Variants in FAT3 observed in about 807,000 individuals in gnomAD.
The protein encoded by FAT3 is protocadherin Fat 3.
A neutral mutation model predicts 310.2 loss-of-function variants in FAT3; 95 were observed. The ratio of observed to expected loss-of-function variants is 0.31; its 90% confidence interval spans 0.26 to 0.36. FAT3 has a LOEUF of 0.36. FAT3 is among the 10% of genes least tolerant of loss of function. FAT3 has a pLI of 1.00. For missense variants in FAT3, 5,408 were observed against 5,715.6 expected (o/e 0.95, Z 1.74); for synonymous variants, 2,314 against 2,192.9 (o/e 1.06, Z -1.54).
At chr11:92,474,920 C>T (rs1197441082) in intron 2 of FAT3, among the ~76,000 whole-genome samples, 1 of 152,192 alleles carries the variant, frequency 6.6e-6, no homozygotes, top group Non-Finnish European at 1.5e-5. Flanking sequence ...GTATTCATGG[C>T]TTGTTCTATT....
chr11:92,288,199 T>C (rs1731500732), intron 1 of FAT3, among the ~76,000 whole-genome samples: 1 of 152,132 alleles, frequency 6.6e-6, no homozygotes, highest in South Asian at 2.1e-4. Flanking sequence ...GAGGACATTA[T>C]GCAAAGTAAA....
At chr11:92,235,671 C>T (rs1049471718) in intron 1 of FAT3, among the ~76,000 whole-genome samples, 6 of 152,164 alleles carry the variant, frequency 3.9e-5, no homozygotes, top group East Asian at 1.9e-4. Context: ...ATTAAGACTG[C>T]GTTATGATTC....
chr11:92,770,871 C>T (rs1051632609), intron 6 of FAT3, among the ~76,000 whole-genome samples: 14 of 152,098 alleles, frequency 9.2e-5, no homozygotes, highest in African/African-American at 2.9e-4. Context: ...CATTTATGTC[C>T]CATCTTTAAA....
At chr11:92,454,983 G>A (rs1001880843) in intron 2 of FAT3, among the ~76,000 whole-genome samples, 6 of 152,028 alleles carry the variant, frequency 3.9e-5, no homozygotes, top group Non-Finnish European at 7.4e-5. Flanking sequence ...ACAGTTGTTG[G>A]CTATATTCAA....
intron 4 of FAT3, among the ~76,000 whole-genome samples, chr11:92,746,654 G>A (rs922413847): frequency 8.5e-5 from 13 of 152,074 alleles, no homozygotes; most frequent in African/African-American, 2.9e-4. Flanking sequence ...CTGAGACAAG[G>A]CAAGTCCCTT....
chr11:92,546,343 AGT>A (rs1209574196), intron 3 of FAT3, among the ~76,000 whole-genome samples: 1 of 152,228 alleles, frequency 6.6e-6, no homozygotes, highest in African/African-American at 2.4e-5. Context: ...TAAGGAAAAC[AGT>A]GTTTCATTTC....
chr11:92,560,360 G>T (rs499284), intron 3 of FAT3, among the ~76,000 whole-genome samples: 23,041 of 152,042 alleles, frequency 0.15, 1,941 homozygotes, highest in East Asian at 0.29. Context: ...TCAGATATAT[G>T]ATTTACAAAT....
At chr11:92,839,259 A>G (rs1289301524) in intron 17 of FAT3, among the ~76,000 whole-genome samples, 1 of 152,198 alleles carries the variant, frequency 6.6e-6, no homozygotes, top group African/African-American at 2.4e-5. Flanking sequence ...AGGCATGTCT[A>G]TGTTACCTTA....
chr11:92,885,774 T>C (rs1294843579), intron 24 of FAT3, among the ~76,000 whole-genome samples: 1 of 152,228 alleles, frequency 6.6e-6, no homozygotes, highest in African/African-American at 2.4e-5. Flanking sequence ...ATTTCCTTCC[T>C]TGTGTTCAGG....
chr11:92,455,354 T>C (rs1392269220), intron 2 of FAT3, among the ~76,000 whole-genome samples: 1 of 152,202 alleles, frequency 6.6e-6, no homozygotes, highest in Non-Finnish European at 1.5e-5. Flanking sequence ...GACAAGCTCC[T>C]GCTGCAGTCA....
intron 13 of FAT3, among the ~76,000 whole-genome samples, chr11:92,820,327 CTG>C (rs1308268562): frequency 6.6e-6 from 1 of 152,130 alleles, no homozygotes; most frequent in Non-Finnish European, 1.5e-5. Flanking sequence ...GTAGAGAGAT[CTG>C]TCTTTCTTCT....
intron 2 of FAT3, among the ~76,000 whole-genome samples, chr11:92,385,415 T>TGGGGGGGG (rs2062148703): frequency 6.6e-6 from 1 of 152,198 alleles, no homozygotes; most frequent in Non-Finnish European, 1.5e-5. Flanking sequence ...TTGCCCAGGC[T>TGGGGGGGG]GGGGTGCAGT....
At chr11:92,771,700 T>A (rs995918210) in intron 6 of FAT3, among the ~76,000 whole-genome samples, 2 of 150,148 alleles carry the variant, frequency 1.3e-5, no homozygotes, top group South Asian at 4.2e-4. Context: ...TTGAGGGAGA[T>A]ATACACATAC....
chr11:92,315,512 T>TAG (rs374021850), intron 1 of FAT3, among the ~76,000 whole-genome samples: 763 of 56,172 alleles, frequency 0.014, 14 homozygotes, highest in East Asian at 0.026. Flanking sequence ...TATATATATA[T>TAG]AGAGAGAGAG....
rs185391075 is a variant in FAT3 at position 92,599,317 on chromosome 11, C to A, written c.3607+74369C>A. Among the ~76,000 whole-genome samples, 146 of 152,138 alleles carry A rather than the reference C, an allele frequency of 9.6e-4. 1 individual carries two copies. Among genetic ancestry groups the A allele is most frequent in the Non-Finnish European group, 1.6e-3 (108 of 68,004 alleles). ...CACATGGTGGCAGCAAGGAGAAGTA[C>A]AGAATGAAGTGGGGGGTGGGGGAAC... On this transcript the variant is annotated intron_variant, in intron 3 of 27. Transcript: ENST00000525166.
chr11:92,880,510 T>C (rs1949649146), intron 22 of FAT3, among the ~76,000 whole-genome samples: 1 of 151,934 alleles, frequency 6.6e-6, no homozygotes. Context: ...ATGTATGTGG[T>C]TAATTAGGTG....
At chr11:92,805,416 C>G in intron 11 of FAT3, 67 bp downstream of exon 11, 1 of 1,491,424 alleles carries the variant, frequency 6.7e-7, no homozygotes, top group Non-Finnish European at 9.0e-7. Flanking sequence ...ACCCATTTCA[C>G]TTTTCTTCTT....
chr11:92,855,165 G>T (rs1285637557), intron 19 of FAT3, among the ~76,000 whole-genome samples: 4 of 152,218 alleles, frequency 2.6e-5, no homozygotes, highest in Non-Finnish European at 5.9e-5. Context: ...AGACTGAGAT[G>T]AAGTCACATG....
chr11:92,628,660 GGC>G (rs1366166469), intron 3 of FAT3, among the ~76,000 whole-genome samples: 2 of 152,228 alleles, frequency 1.3e-5, no homozygotes, highest in African/African-American at 4.8e-5. Context: ...TTTTCCAAAA[GGC>G]GGTGTTTCCA....
Sources: allele counts gnomAD v4.1 joint callset (sites outside exome capture counted in the v4.1 genomes callset), GRCh38; gene constraint gnomAD v4.1.1; transcripts MANE v1.5; gene names NCBI Gene and HGNC (gene_info 2026-07-23, HGNC 2026-07-21).